Variants in NRXN1 observed in about 807,000 individuals in gnomAD.
NRXN1 encodes neurexin 1.
Under a neutral mutation model 150.9 loss-of-function variants are expected in NRXN1, and 39 were observed. That is an observed-to-expected ratio of 0.26 (90% CI 0.20 to 0.34). The LOEUF (loss-of-function observed/expected upper bound fraction) is 0.34, where lower values mean the gene tolerates loss of function less well. Ranked by LOEUF, NRXN1 falls within the 10% of genes least tolerant of loss-of-function variation. The pLI is 1.00. For synonymous variants in NRXN1, 924 were observed against 757.0 expected (o/e 1.22, Z -3.62); for missense variants, 1,815 against 1,949.9 (o/e 0.93, Z 1.30).
intron 18 of NRXN1, among the ~76,000 whole-genome samples, chr2:50,195,429 AAC>A (rs1559069563): frequency 6.6e-6 from 1 of 152,286 alleles, no homozygotes; most frequent in Non-Finnish European, 1.5e-5. Flanking sequence ...GCTAAATTTT[AAC>A]AGTGATTGCC....
intron 8 of NRXN1, among the ~76,000 whole-genome samples, chr2:50,571,137 C>A (rs560027101): frequency 2.0e-5 from 3 of 152,118 alleles, no homozygotes; most frequent in Non-Finnish European, 4.4e-5. Context: ...GGATCTGTTT[C>A]TTGGAGAGTC....
intron 17 of NRXN1, among the ~76,000 whole-genome samples, chr2:50,323,349 G>T (rs561709815): frequency 6.6e-6 from 1 of 152,050 alleles, no homozygotes; most frequent in Non-Finnish European, 1.5e-5. Flanking sequence ...CTGTCAGTCT[G>T]GGGACCACAT....
Position 50,565,921 on chromosome 2 carries a change from G to A in NRXN1, c.1321-12896C>T, listed in dbSNP as rs79629737. Among the ~76,000 whole-genome samples, 4 of 152,216 alleles carry A rather than the reference G, an allele frequency of 2.6e-5. No individual in the cohort carries two copies. In the East Asian group the frequency reaches 7.8e-4, roughly 30 times the overall value. The stretch of plus-strand genomic sequence containing the variant: ...CTTGTTCTTGATTTCTCCTCTCCTA[G>A]ATGTAGTTTCTGGCAATACTGGCTT... On this transcript the variant is annotated intron_variant, in intron 8 of 22. Coordinates refer to ENST00000401669, the MANE Select transcript of NRXN1 (RefSeq NM_001330078.2).
intron 17 of NRXN1, among the ~76,000 whole-genome samples, chr2:50,400,754 C>A (rs554722854): frequency 5.3e-5 from 8 of 152,102 alleles, no homozygotes; most frequent in African/African-American, 1.4e-4. Context: ...AAAAAGTGTG[C>A]TTTGGGCAAA....
chr2:50,351,711 AT>A (rs2153001471), intron 17 of NRXN1, among the ~76,000 whole-genome samples: 1 of 152,328 alleles, frequency 6.6e-6, no homozygotes, highest in South Asian at 2.1e-4. Context: ...GAATTAATTC[AT>A]ATAATCATTA....
intron 17 of NRXN1, among the ~76,000 whole-genome samples, chr2:50,437,900 C>T (rs1183491585): frequency 2.0e-5 from 3 of 152,162 alleles, no homozygotes; most frequent in African/African-American, 4.8e-5. Context: ...CTATAACAAT[C>T]ATCAAAACAC....
In NRXN1 at chr2:50,278,285, A is replaced by AT. The variant is rs1558437343; in HGVS notation, c.3365-41316_3365-41315insA. 1.8e-4 allele frequency among the ~76,000 whole-genome samples: 11 copies of AT among 60,726 alleles called. No individual in the cohort carries two copies. The Middle Eastern group carries it at 0.027, about 151-fold the overall frequency. 39.8% of individuals were successfully genotyped at this position (60,726 alleles called of 152,430 possible). On this transcript the variant is annotated intron_variant, in intron 17 of 22. Transcript: ENST00000401669. ...TATATTATATATGTATTATATATAT[A>AT]ATACATATATAATATATATTTTATA...
chr2:49,995,983 A>G (rs1682928048), intron 21 of NRXN1, among the ~76,000 whole-genome samples: 1 of 151,852 alleles, frequency 6.6e-6, no homozygotes, highest in African/African-American at 2.4e-5. Context: ...CCTTTCAATG[A>G]ATATTTACTG....
intron 18 of NRXN1, among the ~76,000 whole-genome samples, chr2:50,171,329 A>C (rs1235222979): frequency 6.6e-6 from 1 of 152,048 alleles, no homozygotes; most frequent in Non-Finnish European, 1.5e-5. Context: ...AAAATTAATG[A>C]ATCTTACTAT....
chr2:50,237,046 T>C, intron 17 of NRXN1, 76 bp from the exon 18 acceptor site: 1 of 1,372,956 alleles, frequency 7.3e-7, no homozygotes, highest in Non-Finnish European at 1.0e-6. Flanking sequence ...TATATTGATA[T>C]ATCAGTAAAG....
intron 5 of NRXN1, among the ~76,000 whole-genome samples, chr2:50,732,602 C>T (rs879432543): frequency 6.6e-6 from 1 of 152,088 alleles, no homozygotes; most frequent in African/African-American, 2.4e-5. Context: ...AAGGAAAGAA[C>T]TCCTCCTAGC....
intron 5 of NRXN1, among the ~76,000 whole-genome samples, chr2:50,845,502 T>C (rs1410288817): frequency 6.6e-6 from 1 of 152,216 alleles, no homozygotes; most frequent in East Asian, 1.9e-4. Flanking sequence ...ACGTAATGAC[T>C]TACTTTCTTC....
chr2:50,229,133 T>C (rs1207355885), intron 18 of NRXN1, among the ~76,000 whole-genome samples: 1 of 152,066 alleles, frequency 6.6e-6, no homozygotes, highest in Non-Finnish European at 1.5e-5. Flanking sequence ...TGCACCTAGA[T>C]TATTTCCTTC....
At chr2:50,516,041 C>T (rs1159764800) in intron 12 of NRXN1, among the ~76,000 whole-genome samples, 2 of 152,126 alleles carry the variant, frequency 1.3e-5, no homozygotes, top group East Asian at 1.9e-4. Context: ...TTATCCTTCT[C>T]AATTTTTAGG....
At chr2:50,333,358 T>A (rs1007961523) in intron 17 of NRXN1, among the ~76,000 whole-genome samples, 8 of 152,314 alleles carry the variant, frequency 5.3e-5, no homozygotes, top group African/African-American at 1.9e-4. Context: ...TTTACAGGCT[T>A]GTGCAGATTT....
At chr2:50,342,202 A>T (rs2077598142) in intron 17 of NRXN1, among the ~76,000 whole-genome samples, 1 of 152,268 alleles carries the variant, frequency 6.6e-6, no homozygotes, top group African/African-American at 2.4e-5. Context: ...TAAATCTATT[A>T]AAGTTTTGGG....
intron 2 of NRXN1, among the ~76,000 whole-genome samples, chr2:50,933,225 C>T (rs1158945319): frequency 6.6e-6 from 1 of 152,086 alleles, no homozygotes; most frequent in Non-Finnish European, 1.5e-5. Flanking sequence ...TCGTTTCATA[C>T]CCATCACATA....
intron 17 of NRXN1, among the ~76,000 whole-genome samples, chr2:50,414,997 T>G (rs1178688974): frequency 6.6e-6 from 1 of 152,140 alleles, no homozygotes. Flanking sequence ...CCTTCATCTT[T>G]CCCATTACTC....
chr2:50,003,189 C>T (rs1684221679), intron 21 of NRXN1, among the ~76,000 whole-genome samples: 1 of 152,090 alleles, frequency 6.6e-6, no homozygotes. Flanking sequence ...ATATATACCA[C>T]TTCTGTCATT....
Sources: allele counts gnomAD v4.1 joint callset (sites outside exome capture counted in the v4.1 genomes callset), GRCh38; gene constraint gnomAD v4.1.1; transcripts MANE v1.5; gene names NCBI Gene and HGNC (gene_info 2026-07-23, HGNC 2026-07-21).